The following MAST4 variants were observed in gnomAD, a reference collection of about 807,000 sequenced individuals.
MAST4 encodes microtubule associated serine/threonine kinase family member 4.
Under a neutral mutation model 162.7 loss-of-function variants are expected in MAST4, and 89 were observed. The observed-to-expected ratio is 0.55, with a 90% confidence interval of 0.46 to 0.65. MAST4 has a LOEUF of 0.65. MAST4 is among the 30% of genes least tolerant of loss of function. The pLI is 0.00. For missense variants in MAST4, 3,153 were observed against 3,374.0 expected (o/e 0.93, Z 1.62); for synonymous variants, 1,479 against 1,361.1 (o/e 1.09, Z -1.91).
chr5:66,853,339 T>G (rs1271086281), intron 3 of MAST4, among the ~76,000 whole-genome samples: 2 of 152,224 alleles, frequency 1.3e-5, no homozygotes, highest in Admixed American at 6.5e-5. Context: ...TATCTTTGTT[T>G]TCTATTTATT....
chr5:66,888,529 C>G (rs1019189825), intron 3 of MAST4, among the ~76,000 whole-genome samples: 2 of 152,192 alleles, frequency 1.3e-5, no homozygotes, highest in African/African-American at 2.4e-5. Flanking sequence ...CCAATTCTGT[C>G]TCCTGGTTCT....
intron 3 of MAST4, among the ~76,000 whole-genome samples, chr5:66,843,949 A>C (rs1014918787): frequency 1.3e-4 from 19 of 151,980 alleles, no homozygotes; most frequent in Admixed American, 5.9e-4. Context: ...ATTTGCTCAG[A>C]TGGATGTGCT....
At chr5:66,664,415 A>G (rs1209536859) in intron 1 of MAST4, among the ~76,000 whole-genome samples, 2 of 143,356 alleles carry the variant, frequency 1.4e-5, no homozygotes, top group African/African-American at 2.6e-5. Flanking sequence ...AGCCTGGGCA[A>G]CAACAGTGAA....
chr5:66,866,757 GT>G (rs1194618506), intron 3 of MAST4, among the ~76,000 whole-genome samples: 1 of 152,136 alleles, frequency 6.6e-6, no homozygotes, highest in Non-Finnish European at 1.5e-5. Flanking sequence ...TGTTGCTTTT[GT>G]TTTTTCTTTT....
intron 5 of MAST4, among the ~76,000 whole-genome samples, chr5:67,055,457 C>T (rs1196136772): frequency 6.6e-6 from 1 of 152,200 alleles, no homozygotes; most frequent in Non-Finnish European, 1.5e-5. Context: ...CTACCACTCT[C>T]ACCCAGAAAG....
intron 3 of MAST4, among the ~76,000 whole-genome samples, chr5:66,828,109 A>G (rs971712568): frequency 7.2e-5 from 11 of 152,206 alleles, no homozygotes; most frequent in African/African-American, 2.4e-4. Flanking sequence ...TTGGTCAGGT[A>G]TCAGCAGAAC....
intron 1 of MAST4, among the ~76,000 whole-genome samples, chr5:66,750,344 G>A (rs931037212): frequency 6.6e-6 from 1 of 152,200 alleles, no homozygotes; most frequent in South Asian, 2.1e-4. Flanking sequence ...CAGCGTGAGC[G>A]ACGCAGGAAA....
chr5:67,147,088 A>T (rs1340179581), intron 23 of MAST4, among the ~76,000 whole-genome samples: 1 of 151,938 alleles, frequency 6.6e-6, no homozygotes, highest in Admixed American at 6.6e-5. Flanking sequence ...CATTTGATTG[A>T]TTACTTTCAT....
At chr5:67,098,321 G>C (rs1438672184) in intron 7 of MAST4, among the ~76,000 whole-genome samples, 1 of 152,118 alleles carries the variant, frequency 6.6e-6, no homozygotes, top group African/African-American at 2.4e-5. Flanking sequence ...AGAATATTCA[G>C]TATTGTGGTT....
In MAST4 at chr5:67,064,085, G is replaced by A. The variant is rs139314441; in HGVS notation, c.763+9593G>A. On this transcript the variant is annotated intron_variant, in intron 5 of 28. Coordinates refer to ENST00000403625, the MANE Select transcript of MAST4 (RefSeq NM_001164664.2). ...CAGAGGTTGCCTCTGTGTTGGCGAT[G>A]TCAGTTGGAAGCCATTAATTCACTG... 6.6e-5 allele frequency among the ~76,000 whole-genome samples: 10 copies of A among 152,308 alleles called. No homozygotes were observed. In the East Asian group the frequency reaches 1.9e-3, roughly 29 times the overall value.
rs796677397 is a variant in MAST4 at position 67,030,530 on chromosome 5, C to A, written c.675-23874C>A. The stretch of plus-strand genomic sequence containing the variant: ...AAATAAATACCTTTTCATTTCTGTA[C>A]ATCACCATTCCAGAGCAGGCCTGGG... On this transcript the variant is annotated intron_variant, in intron 4 of 28. Transcript: ENST00000403625. Among the ~76,000 whole-genome samples, 227 of 152,258 alleles carry A rather than the reference C, an allele frequency of 1.5e-3. 1 individual carries two copies. The highest frequency in any genetic ancestry group is 5.2e-3 in the African/African-American group (218 of 41,558).
intron 3 of MAST4, among the ~76,000 whole-genome samples, chr5:66,847,767 G>C (rs577200002): frequency 1.1e-3 from 143 of 134,546 alleles, no homozygotes; most frequent in Non-Finnish European, 1.9e-3. Flanking sequence ...GTTGCAGTGA[G>C]CTGAGATTGT....
At chr5:66,746,293 TG>T (rs1209898072) in intron 1 of MAST4, among the ~76,000 whole-genome samples, 1 of 152,172 alleles carries the variant, frequency 6.6e-6, no homozygotes, top group East Asian at 1.9e-4. Context: ...CTTCTCAGAC[TG>T]GGGATGTAAG....
chr5:66,881,932 G>A lies in MAST4; in HGVS notation c.643-18019G>A, dbSNP rs16895807. Among the ~76,000 whole-genome samples the A allele has an allele frequency of 2.6e-5, 4 of 152,110 alleles. No homozygotes were observed. The East Asian group carries it at 7.7e-4, about 29-fold the overall frequency. ...AACCAGGCAAGTTTTATCAAGTTTT[G>A]TCCTGCTTCTGTGGATTCTGGAAGG... On this transcript the variant is annotated intron_variant, in intron 3 of 28. Coordinates refer to ENST00000403625, the MANE Select transcript of MAST4 (RefSeq NM_001164664.2).
At chr5:66,613,322 C>CTTTT (rs67203546) in intron 1 of MAST4, among the ~76,000 whole-genome samples, 1 of 141,826 alleles carries the variant, frequency 7.1e-6, no homozygotes, top group Non-Finnish European at 1.5e-5. Flanking sequence ...TCAGATAACC[C>CTTTT]TTTTTTTTTT....
intron 4 of MAST4, among the ~76,000 whole-genome samples, chr5:66,964,411 T>C (rs1211977725): frequency 6.6e-6 from 1 of 152,190 alleles, no homozygotes; most frequent in Non-Finnish European, 1.5e-5. Context: ...AATAGACTTT[T>C]CATGAATTCA....
At chr5:66,983,416 T>C (rs1749099841) in intron 4 of MAST4, among the ~76,000 whole-genome samples, 2 of 152,224 alleles carry the variant, frequency 1.3e-5, no homozygotes, top group South Asian at 4.1e-4. Context: ...AATTTGGGAT[T>C]CTGCTTTAAT....
At chr5:67,089,915 A>G (rs1763642878) in intron 5 of MAST4, among the ~76,000 whole-genome samples, 2 of 152,168 alleles carry the variant, frequency 1.3e-5, no homozygotes. Flanking sequence ...GGTTGGTGAT[A>G]TAGCTGAAAG....
chr5:66,650,241 T>C (rs1746130093), intron 1 of MAST4, among the ~76,000 whole-genome samples: 1 of 152,116 alleles, frequency 6.6e-6, no homozygotes, highest in Admixed American at 6.6e-5. Context: ...TTGCTCTGGC[T>C]TGGGCTCATA....
Sources: gnomAD v4.1 joint callset for allele counts (sites outside exome capture counted in the v4.1 genomes callset) on GRCh38, gnomAD v4.1.1 for gene constraint, MANE v1.5 for transcripts, NCBI Gene and HGNC (gene_info 2026-07-23, HGNC 2026-07-21) for gene names.